The following DUSP15 variants were observed in gnomAD, a reference collection of about 807,000 sequenced individuals.
DUSP15 encodes the protein dual specificity phosphatase 15.
A neutral mutation model predicts 26.3 loss-of-function variants in DUSP15; 23 were observed. The ratio of observed to expected loss-of-function variants is 0.87; its 90% confidence interval spans 0.63 to 1.24. The LOEUF (loss-of-function observed/expected upper bound fraction) is 1.24, where lower values mean the gene tolerates loss of function less well. DUSP15 is among the 50% of genes most tolerant of loss of function. The pLI is 0.00. For missense variants in DUSP15, 364 were observed against 320.6 expected, an observed-to-expected ratio of 1.14 and a Z score of -1.03; for synonymous variants, 143 against 135.5, an observed-to-expected ratio of 1.06 and a Z score of -0.39.
At chr20:31,849,815 C>T in exon 8 of DUSP15, 3 of 1,527,960 alleles carry the variant, frequency 2.0e-6, no homozygotes, top group Non-Finnish European at 2.6e-6. Context: ...CTGGGCTGTG[C>T]GCCCGGTGGC....
intron 6 of DUSP15, 63 bp from the exon 7 acceptor site, chr20:31,861,738 G>GGGGCCCCCCC: frequency 1.5e-6 from 2 of 1,290,712 alleles, no homozygotes; most frequent in Non-Finnish European, 2.0e-6. Flanking sequence ...AAGGCAGCCG[G>GGGGCCCCCCC]CCCCGCCCCC....
At chr20:31,848,618 TG>T in intron 9 of DUSP15, 1 of 1,501,062 alleles carries the variant, frequency 6.7e-7, no homozygotes, top group South Asian at 1.3e-5. Context: ...CCGCCTCGGA[TG>T]TTCCCATGGG....
downstream of DUSP15, among the ~76,000 whole-genome samples, chr20:31,858,915 G>T (rs2062603323): frequency 6.6e-6 from 1 of 152,202 alleles, no homozygotes; most frequent in Non-Finnish European, 1.5e-5. This position sits in a 1 kb window ranked among gnomAD's most constrained non-coding sequence, Gnocchi z 4.4. Flanking sequence ...CCCCCGTGAG[G>T]TTCTGATGCA....
chr20:31,861,696 G>T (rs1027576628), intron 6 of DUSP15, 21 bp from the exon 7 acceptor site: 29 of 1,321,628 alleles, frequency 2.2e-5, no homozygotes, highest in Non-Finnish European at 2.5e-5. Flanking sequence ...CGGGTGAGGT[G>T]GGCGGGGTCA....
intron 4 of DUSP15, chr20:31,864,364 G>A (rs1037773609): frequency 5.5e-5 from 58 of 1,058,042 alleles, no homozygotes; most frequent in Non-Finnish European, 6.3e-5. Context: ...GGCAGCAGCA[G>A]GCTGGGAGCA....
chr20:31,849,534 C>A, intron 8 of DUSP15: 1 of 880,376 alleles, frequency 1.1e-6, no homozygotes, highest in East Asian at 2.5e-5. Context: ...TCCAGCCGTC[C>A]TACCGCCTGG....
In DUSP15 at chr20:31,861,422, G is replaced by T; in HGVS notation, c.689C>A (p.Ser230Tyr). Residue 230 changes from serine to tyrosine, a missense_variant, in exon 7 of 7, where the codon TCC becomes TAC. Ser to Tyr is a moderately radical substitution (Grantham distance 144). Coordinates refer to ENST00000339738, the MANE Select transcript of DUSP15 (RefSeq NM_080611.5). ...GCATCCTCACTTGCCGCCCTTGCGG[G>T]ACAGACACCGGGGGAGGCAAGAGAA... ...QTFSCLPRCL[S>Y]RKGGK 6.4e-7 allele frequency: 1 copy of T among 1,560,914 alleles called. No individual in the cohort carries two copies. The highest frequency in any genetic ancestry group is 8.6e-7 in the Non-Finnish European group (1 of 1,163,690).
intron 6 of DUSP15, 67 bp from the exon 7 acceptor site, chr20:31,861,742 C>A: frequency 1.6e-6 from 2 of 1,246,036 alleles, no homozygotes; most frequent in South Asian, 1.8e-5. Flanking sequence ...CAGCCGGCCC[C>A]GCCCCCACCC....
At chr20:31,863,850 G>A (rs2062710944) in intron 5 of DUSP15, 57 bp downstream of exon 5, 2 of 1,536,750 alleles carry the variant, frequency 1.3e-6, no homozygotes, top group African/African-American at 2.7e-5. Context: ...TGTGTGTTCA[G>A]CAGAGGGCAC....
chr20:31,867,236 A>G (rs2062788246), intron 2 of DUSP15, 83 bp from the exon 3 acceptor site: 4 of 1,258,640 alleles, frequency 3.2e-6, no homozygotes, highest in Non-Finnish European at 4.5e-6. Context: ...CTGCCTGCCC[A>G]GCTCTCCCTC....
At chr20:31,867,035 A>AC in intron 3 of DUSP15, 36 bp downstream of exon 3, 1 of 1,545,116 alleles carries the variant, frequency 6.5e-7, no homozygotes, top group Non-Finnish European at 8.8e-7. Context: ...GCACCCTCCC[A>AC]CCCCCGCATA....
At chr20:31,863,185 AGGTGG>A (rs1450123922) in intron 5 of DUSP15, among the ~76,000 whole-genome samples, 1 of 151,994 alleles carries the variant, frequency 6.6e-6, no homozygotes, top group Non-Finnish European at 1.5e-5. Flanking sequence ...ATTAATCTAT[AGGTGG>A]GGTGGGGTTA....
At chr20:31,846,257 GAC>G (rs1280877871), downstream of DUSP15, among the ~76,000 whole-genome samples, 1 of 145,016 alleles carries the variant, frequency 6.9e-6, no homozygotes, top group Non-Finnish European at 1.5e-5. Flanking sequence ...GACACACAGA[GAC>G]ATACACACAC....
Position 31,861,513 on chromosome 20 carries a change from G to C in DUSP15, c.598C>G (p.Leu200Val), listed in dbSNP as rs1033283121. ...SAASEGTVQR[L>V]VPRTPREAHR... is the part of the protein sequence containing the mutation. ...GCTTCCCGGGGCGTGCGCGGCACCAGGCGCTGCACGGTTCCCTCGGAGGCT... is the reference window on the plus strand; with the variant it reads ...GCTTCCCGGGGCGTGCGCGGCACCACGCGCTGCACGGTTCCCTCGGAGGCT... Residue 200 changes from leucine to valine, a missense_variant, in exon 7 of 7, where the codon CTG (leucine) becomes GTG (valine). Leu to Val is a conservative substitution (Grantham distance 32). Coordinates refer to ENST00000339738, the MANE Select transcript of DUSP15 (RefSeq NM_080611.5). 13 of 1,525,198 alleles carry C rather than the reference G, an allele frequency of 8.5e-6. No individual in the cohort carries two copies. Among genetic ancestry groups the C allele is most frequent in the East Asian group, 2.6e-5 (1 of 38,716 alleles). The allele number at this position is 1,525,198 out of a possible 1,614,324, so 94.5% of individuals were successfully genotyped here.
At chr20:31,845,607 G>T, downstream of DUSP15, 1 of 1,570,710 alleles carries the variant, frequency 6.4e-7, no homozygotes, top group South Asian at 1.1e-5. Flanking sequence ...GCTGGCGTCC[G>T]GAATAGCCTG....
Position 31,861,374 on chromosome 20 carries a change from A to G in DUSP15, c.*29T>C, listed in dbSNP as rs373419129. The stretch of plus-strand genomic sequence containing the variant: ...ACAGCCCCCGAAGGGAGCCAGTCGG[A>G]AGTGGGGAGCCACGGCTGGACTGCA... On this transcript the variant is annotated 3_prime_UTR_variant, in exon 7 of 7. Transcript: ENST00000339738. 2.0e-3 allele frequency: 3,026 copies of G among 1,512,424 alleles called. 5 individuals carry two copies. Among genetic ancestry groups the G allele is most frequent in the Non-Finnish European group, 2.6e-3 (2,938 of 1,139,136 alleles). The allele number at this position is 1,512,424 out of a possible 1,614,324, so 93.7% of individuals were successfully genotyped here. A position where few individuals can be genotyped will look rare whatever the true frequency, so the allele number is the denominator to read the frequency against.
intron 5 of DUSP15, 67 bp from the exon 6 acceptor site, chr20:31,862,809 C>G: frequency 6.8e-7 from 1 of 1,464,226 alleles, no homozygotes; most frequent in Non-Finnish European, 9.1e-7. Flanking sequence ...CCAGGCACCC[C>G]ACCCTGCTTC....
chr20:31,869,871 G>A (rs529320109), intron 1 of DUSP15: 47 of 1,389,404 alleles, frequency 3.4e-5, no homozygotes, highest in Non-Finnish European at 4.0e-5. Flanking sequence ...CAGGTCTTAG[G>A]AGGAGAGGAG....
At chr20:31,867,482 TCCTGC>T in intron 2 of DUSP15, among the ~76,000 whole-genome samples, 2 of 152,326 alleles carry the variant, frequency 1.3e-5, no homozygotes, top group South Asian at 4.1e-4. Flanking sequence ...TTCTCTGCAG[TCCTGC>T]TTATATCACA....
Sources: gnomAD v4.1 joint callset for allele counts (sites outside exome capture counted in the v4.1 genomes callset) on GRCh38, gnomAD v4.1.1 for gene constraint, Gnocchi (gnomAD v3.1) non-coding constraint, MANE v1.5 for transcripts, NCBI Gene and HGNC (gene_info 2026-07-23, HGNC 2026-07-21) for gene names.